SP100: variants seen among roughly 807,000 people sequenced by gnomAD.
SP100 encodes the protein SP100 nuclear body protein.
A neutral mutation model predicts 130.0 loss-of-function variants in SP100; 84 were observed. That is an observed-to-expected ratio of 0.65 (90% CI 0.54 to 0.77). SP100 has a LOEUF of 0.77. Among genes scored for constraint, SP100 ranks in the 30% least tolerant of loss-of-function variants. SP100 has a pLI of 0.00. For missense variants in SP100, 978 were observed against 1,052.2 expected, an observed-to-expected ratio of 0.93 and a Z score of 0.97; for synonymous variants, 331 against 351.7, an observed-to-expected ratio of 0.94 and a Z score of 0.66.
intron 18 of SP100, among the ~76,000 whole-genome samples, chr2:230,494,851 G>C (rs980734071): frequency 2.6e-5 from 4 of 152,180 alleles, no homozygotes; most frequent in African/African-American, 9.6e-5. Flanking sequence ...CCAAAACTTG[G>C]TCACACAGCC....
At chr2:230,437,101 T>C (rs1045340715) in intron 2 of SP100, among the ~76,000 whole-genome samples, 1 of 152,030 alleles carries the variant, frequency 6.6e-6, no homozygotes, top group Admixed American at 6.6e-5. Context: ...CTACAACATT[T>C]GCTGATTTTA....
At chr2:230,501,132 C>T (rs1360839769) in intron 19 of SP100, among the ~76,000 whole-genome samples, 1 of 152,076 alleles carries the variant, frequency 6.6e-6, no homozygotes, top group Non-Finnish European at 1.5e-5. Flanking sequence ...ATCCCAGCTA[C>T]TTGGGAGGCA....
rs1575825586 is a variant in SP100 at position 230,542,751 on chromosome 2, A to G, written c.2548-85A>G. ...TCTCACTTAACATTTGGGATAACCTAAAATGAGGCCCCAGATTATCTGCAA... is the reference window on the plus strand; with the variant it reads ...TCTCACTTAACATTTGGGATAACCTGAAATGAGGCCCCAGATTATCTGCAA... On this transcript the variant is annotated intron_variant, in intron 28 of 28. Transcript: ENST00000340126. 4 of 731,352 alleles carry G rather than the reference A, an allele frequency of 5.5e-6. No individual in the cohort carries two copies. In the East Asian group the frequency reaches 8.0e-5, roughly 15 times the overall value. The allele number at this position is 731,352 out of a possible 1,614,324, so 45.3% of individuals were successfully genotyped here.
chr2:230,498,965 G>A (rs762308624), intron 19 of SP100, among the ~76,000 whole-genome samples: 2 of 152,164 alleles, frequency 1.3e-5, no homozygotes, highest in Non-Finnish European at 2.9e-5. Context: ...AATTAAGTCA[G>A]TTAGACAAGA....
Position 230,532,791 on chromosome 2 carries a change from T to C in SP100, c.2095-6476T>C, listed in dbSNP as rs575652828. On this transcript the variant is annotated intron_variant, in intron 24 of 28. Transcript: ENST00000340126. ...TTTATTTTTATTTTTATTTATTTAT[T>C]TATTTTTGAGACGTAGTCTCGCTCT... Among the ~76,000 whole-genome samples, 6 of 152,312 alleles carry C rather than the reference T, an allele frequency of 3.9e-5. No homozygotes were observed. In the East Asian group the frequency reaches 1.2e-3, roughly 29 times the overall value.
intron 8 of SP100, among the ~76,000 whole-genome samples, chr2:230,459,240 G>T (rs767802369): frequency 2.0e-5 from 3 of 152,170 alleles, no homozygotes; most frequent in Non-Finnish European, 1.5e-5. Context: ...TGAAAAATTG[G>T]TAGAGAGTGG....
At chr2:230,458,319 T>C (rs1002302616) in intron 8 of SP100, among the ~76,000 whole-genome samples, 1 of 152,156 alleles carries the variant, frequency 6.6e-6, no homozygotes, top group African/African-American at 2.4e-5. Context: ...GAAGAGAAAA[T>C]ATATTTACTA....
At chr2:230,518,574 A>T (rs1304653034) in intron 24 of SP100, among the ~76,000 whole-genome samples, 1 of 151,830 alleles carries the variant, frequency 6.6e-6, no homozygotes, top group Non-Finnish European at 1.5e-5. Context: ...CTATTTTTGA[A>T]TTTAATTTAG....
At chr2:230,471,999 G>A (rs947171953) in intron 15 of SP100, among the ~76,000 whole-genome samples, 1 of 152,094 alleles carries the variant, frequency 6.6e-6, no homozygotes, top group South Asian at 2.1e-4. Flanking sequence ...ACAGACAAAG[G>A]TAATAGAGAT....
intron 8 of SP100, among the ~76,000 whole-genome samples, chr2:230,455,530 T>A (rs1176766236): frequency 6.6e-6 from 1 of 152,232 alleles, no homozygotes; most frequent in African/African-American, 2.4e-5. Flanking sequence ...AGTGAGTGTC[T>A]TGCAAGCCAC....
intron 2 of SP100, among the ~76,000 whole-genome samples, chr2:230,423,183 C>T (rs1436346924): frequency 6.6e-6 from 1 of 152,130 alleles, no homozygotes; most frequent in Non-Finnish European, 1.5e-5. Context: ...GTATATTATG[C>T]ATTTCTCCTG....
intron 2 of SP100, among the ~76,000 whole-genome samples, chr2:230,436,328 G>A (rs1430377450): frequency 6.6e-6 from 1 of 151,878 alleles, no homozygotes; most frequent in African/African-American, 2.4e-5. Flanking sequence ...ATATGGTTTT[G>A]CTGTGTCCCC....
At chr2:230,481,396 T>C (rs2065826263) in intron 17 of SP100, among the ~76,000 whole-genome samples, 1 of 152,164 alleles carries the variant, frequency 6.6e-6, no homozygotes, top group African/African-American at 2.4e-5. Flanking sequence ...ATTTACTAAG[T>C]TTGAGCCAAA....
chr2:230,419,525 A>G (rs2062710228), intron 2 of SP100, among the ~76,000 whole-genome samples: 1 of 152,240 alleles, frequency 6.6e-6, no homozygotes. Flanking sequence ...AGATATGCCA[A>G]AGAGAAGCCG....
chr2:230,511,314 G>A (rs576689238), intron 24 of SP100, 148 bp downstream of exon 24: 41 of 678,096 alleles, frequency 6.0e-5, no homozygotes, highest in Admixed American at 3.1e-4. Context: ...CAGGTACCTG[G>A]GTCTGGGATT....
intron 24 of SP100, among the ~76,000 whole-genome samples, chr2:230,528,862 C>G (rs752221432): frequency 6.6e-6 from 1 of 152,196 alleles, no homozygotes; most frequent in Non-Finnish European, 1.5e-5. Flanking sequence ...CATACACCCT[C>G]CAAAGACTAA....
intron 17 of SP100, among the ~76,000 whole-genome samples, chr2:230,481,214 C>A (rs1305653638): frequency 2.0e-5 from 3 of 152,106 alleles, no homozygotes; most frequent in Admixed American, 6.6e-5. Context: ...AATTATATTT[C>A]TTTTCTTCTC....
Position 230,503,080 on chromosome 2 carries a change from A to T in SP100, c.1735A>T (p.Thr579Ser), listed in dbSNP as rs1298766667. 2.5e-6 allele frequency: 4 copies of T among 1,605,168 alleles called. No individual in the cohort carries two copies. Among genetic ancestry groups the T allele is most frequent in the Non-Finnish European group, 3.4e-6 (4 of 1,174,246 alleles). Residue 579 changes from threonine (T) to serine (S), a missense_variant, in exon 20 of 29, where the codon ACT (threonine) becomes TCT (serine). Physicochemically the swap from Thr to Ser is moderately conservative, Grantham distance 58 (BLOSUM62 1). Coordinates refer to ENST00000340126, the MANE Select transcript of SP100 (RefSeq NM_001080391.2). ...AACTTTCTCAGGAAGAAAAGCCAAC[A>T]CTAGACCTTTGAAAAGAAGAAGAAA... ...RWQQRGRKAN[T>S]RPLKRRRKRG...
chr2:230,515,800 G>C (rs1306564948), intron 24 of SP100: 1 of 1,452,568 alleles, frequency 6.9e-7, no homozygotes, highest in East Asian at 2.4e-5. Flanking sequence ...TACCGAATGT[G>C]TCTTCAGATA....
Sources: gnomAD v4.1 joint callset for allele counts (sites outside exome capture counted in the v4.1 genomes callset) on GRCh38, gnomAD v4.1.1 for gene constraint, MANE v1.5 for transcripts, NCBI Gene and HGNC (gene_info 2026-07-23, HGNC 2026-07-21) for gene names.